The following AGBL4 variants were observed in gnomAD, a reference collection of about 807,000 sequenced individuals.
AGBL4 encodes the protein cytosolic carboxypeptidase 6.
A neutral mutation model predicts 66.4 loss-of-function variants in AGBL4; 58 were observed. That is an observed-to-expected ratio of 0.87 (90% confidence interval 0.71 to 1.09). AGBL4 has a LOEUF of 1.09. Ranked by LOEUF, AGBL4 falls within the 50% of genes least tolerant of loss-of-function variation. The pLI, the probability that AGBL4 is intolerant of heterozygous loss-of-function variation, is 0.00. For missense variants in AGBL4, 579 were observed against 631.0 expected (o/e 0.92, Z 0.88); for synonymous variants, 234 against 222.9 (o/e 1.05, Z -0.44).
chr1:49,302,257 C>CT (rs1207769008), intron 3 of AGBL4, among the ~76,000 whole-genome samples: 2,387 of 147,110 alleles, frequency 0.016, 27 homozygotes, highest in Non-Finnish European at 0.024. Context: ...TTCACATGCA[C>CT]TTTTTTTTTT....
intron 9 of AGBL4, among the ~76,000 whole-genome samples, chr1:48,625,172 T>C (rs1645483642): frequency 1.3e-5 from 2 of 151,808 alleles, no homozygotes; most frequent in African/African-American, 4.8e-5. Flanking sequence ...TCTCTTTCTT[T>C]CTTTTTCTGT....
intron 4 of AGBL4, among the ~76,000 whole-genome samples, chr1:49,243,797 A>C (rs1651422868): frequency 6.6e-6 from 1 of 151,792 alleles, no homozygotes; most frequent in Non-Finnish European, 1.5e-5. Context: ...AAGGTAAAAA[A>C]TAGGAGATAT....
intron 3 of AGBL4, among the ~76,000 whole-genome samples, chr1:49,496,876 G>A (rs961008282): frequency 6.6e-6 from 1 of 151,896 alleles, no homozygotes; most frequent in African/African-American, 2.4e-5. Context: ...ATTTCCTTTG[G>A]ATATATACCC....
Position 48,634,615 on chromosome 1 carries a change from C to G in AGBL4, c.840-11G>C, listed in dbSNP as rs777245097. ...CCCATCAGAGAACACCTAGGCAGTA[C>G]CCAAAGTAAGAGTCAATATAGACAG... On this transcript the variant is annotated splice_polypyrimidine_tract_variant and intron_variant, in intron 8 of 13. Transcript: ENST00000371839. 1 of 1,573,842 alleles carries G rather than the reference C, an allele frequency of 6.4e-7. No homozygotes were observed. The highest frequency in any genetic ancestry group is 8.6e-7 in the Non-Finnish European group (1 of 1,156,502).
chr1:49,988,212 TA>T (rs1014826527), intron 1 of AGBL4, among the ~76,000 whole-genome samples: 1 of 152,136 alleles, frequency 6.6e-6, no homozygotes, highest in African/African-American at 2.4e-5. Flanking sequence ...CTGAAGCGAA[TA>T]AAAATAATTT....
intron 6 of AGBL4, among the ~76,000 whole-genome samples, chr1:48,688,346 G>T (rs763691575): frequency 6.6e-6 from 1 of 152,156 alleles, no homozygotes; most frequent in Non-Finnish European, 1.5e-5. Context: ...CTTCCAGGGC[G>T]CTCCTCCTTC....
At chr1:48,854,711 T>C (rs1348693792) in intron 6 of AGBL4, among the ~76,000 whole-genome samples, 2 of 152,188 alleles carry the variant, frequency 1.3e-5, no homozygotes, top group Non-Finnish European at 2.9e-5. Context: ...TGGACATATA[T>C]ACTTGTTCAA....
chr1:49,253,711 A>C (rs887032902), intron 3 of AGBL4, among the ~76,000 whole-genome samples: 6 of 137,800 alleles, frequency 4.4e-5, no homozygotes, highest in Non-Finnish European at 9.6e-5. Context: ...TGGCAGAGAC[A>C]AAAAAAAAAA....
intron 1 of AGBL4, among the ~76,000 whole-genome samples, chr1:49,991,916 A>G (rs922224515): frequency 2.6e-5 from 4 of 152,170 alleles, no homozygotes; most frequent in Non-Finnish European, 5.9e-5. Context: ...CTCTACACTT[A>G]AGTTCCATAT....
chr1:48,914,455 A>C (rs1369853101), intron 5 of AGBL4, among the ~76,000 whole-genome samples: 1 of 152,202 alleles, frequency 6.6e-6, no homozygotes, highest in African/African-American at 2.4e-5. Context: ...CAAATATAGT[A>C]AATTCTTTTA....
chr1:49,734,611 TA>T (rs201803770), intron 2 of AGBL4, among the ~76,000 whole-genome samples: 9 of 151,700 alleles, frequency 5.9e-5, no homozygotes, highest in East Asian at 3.9e-4. Context: ...ATGCAAGCTA[TA>T]AAAAAAATGG....
At chr1:49,715,750 A>G (rs1648070809) in intron 2 of AGBL4, among the ~76,000 whole-genome samples, 1 of 152,174 alleles carries the variant, frequency 6.6e-6, no homozygotes, top group African/African-American at 2.4e-5. Flanking sequence ...AGCCACACAA[A>G]TGTCTTCTGA....
chr1:48,992,449 C>T (rs989657188), intron 5 of AGBL4, among the ~76,000 whole-genome samples: 2 of 151,652 alleles, frequency 1.3e-5, no homozygotes, highest in Non-Finnish European at 2.9e-5. Flanking sequence ...TATAGCACTG[C>T]GTCTTGCCCA....
intron 3 of AGBL4, among the ~76,000 whole-genome samples, chr1:49,261,220 C>G (rs1297267708): frequency 6.6e-6 from 1 of 150,938 alleles, no homozygotes; most frequent in African/African-American, 2.4e-5. Context: ...TGGGCAAAAA[C>G]TGGAAGCATT....
intron 3 of AGBL4, among the ~76,000 whole-genome samples, chr1:49,274,640 T>C (rs948245310): frequency 2.0e-5 from 3 of 152,126 alleles, no homozygotes; most frequent in Non-Finnish European, 4.4e-5. Context: ...AATTTGCTTA[T>C]TTTTCAAAGA....
intron 2 of AGBL4, among the ~76,000 whole-genome samples, chr1:49,715,923 T>C (rs1648092503): frequency 6.6e-6 from 1 of 152,208 alleles, no homozygotes; most frequent in Non-Finnish European, 1.5e-5. Flanking sequence ...CTGATGATAG[T>C]TGATTTTGCT....
intron 2 of AGBL4, among the ~76,000 whole-genome samples, chr1:49,698,261 A>G (rs556907916): frequency 6.6e-6 from 1 of 152,242 alleles, no homozygotes; most frequent in East Asian, 1.9e-4. Flanking sequence ...TGTTTCCTCA[A>G]CTATAAAGTT....
chr1:49,220,195 T>A (rs1299121569), intron 4 of AGBL4, among the ~76,000 whole-genome samples: 1 of 152,206 alleles, frequency 6.6e-6, no homozygotes, highest in Non-Finnish European at 1.5e-5. Flanking sequence ...GAAACTAACA[T>A]GATGAATCTC....
At chr1:49,392,342 A>G (rs1480104304) in intron 3 of AGBL4, among the ~76,000 whole-genome samples, 4 of 152,156 alleles carry the variant, frequency 2.6e-5, no homozygotes, top group South Asian at 2.1e-4. Context: ...TCTGGAGTAT[A>G]ACAGCTGGCA....
Sources: allele counts gnomAD v4.1 joint callset (sites outside exome capture counted in the v4.1 genomes callset), GRCh38; gene constraint gnomAD v4.1.1; transcripts MANE v1.5; gene names NCBI Gene and HGNC (gene_info 2026-07-23, HGNC 2026-07-21).